Variants in CCDC14 observed in about 807,000 individuals in gnomAD.
CCDC14 encodes coiled-coil domain-containing protein 14.
Under a neutral mutation model 81.4 loss-of-function variants are expected in CCDC14, and 71 were observed. That is an observed-to-expected ratio of 0.87 (90% CI 0.72 to 1.06). The LOEUF (loss-of-function observed/expected upper bound fraction) is 1.06. Among genes scored for constraint, CCDC14 ranks in the 50% least tolerant of loss-of-function variants. The pLI, the probability that CCDC14 is intolerant of heterozygous loss-of-function variation, is 0.00. For synonymous variants in CCDC14, 332 were observed against 364.8 expected (o/e 0.91, Z 1.03); for missense variants, 1,046 against 1,047.3 (o/e 1.00, Z 0.02).
At chr3:123,934,165 T>C (rs1418649467) in intron 9 of CCDC14, among the ~76,000 whole-genome samples, 5 of 146,586 alleles carry the variant, frequency 3.4e-5, no homozygotes, top group African/African-American at 1.3e-4. Flanking sequence ...CCCAGCTACT[T>C]GGGAGGCTGA....
At chr3:123,889,282 A>T in the CCDC14 span, among the ~76,000 whole-genome samples, 1 of 152,130 alleles carries the variant, frequency 6.6e-6, no homozygotes, top group Non-Finnish European at 1.5e-5. Flanking sequence ...GTGTGGTGGC[A>T]CGTGCCTGTA....
chr3:123,898,501 G>A (rs752988170), intron 5 of CCDC14, among the ~76,000 whole-genome samples: 5 of 152,158 alleles, frequency 3.3e-5, no homozygotes, highest in Non-Finnish European at 7.3e-5. Context: ...GAGACTGTGA[G>A]CTGTGACCCA....
chr3:123,947,357 C>T, intron 7 of CCDC14, 38 bp from the exon 8 acceptor site: 4 of 1,500,728 alleles, frequency 2.7e-6, no homozygotes, highest in South Asian at 1.3e-5. Flanking sequence ...GAAGTATGAG[C>T]ACTCATTTGT....
At chr3:123,899,207 G>A (rs990174784) in intron 5 of CCDC14, among the ~76,000 whole-genome samples, 3 of 152,080 alleles carry the variant, frequency 2.0e-5, no homozygotes, top group Non-Finnish European at 2.9e-5. Flanking sequence ...CTTATCAGAG[G>A]TTCTTAGTTC....
chr3:123,887,477 C>CAAAAA, the CCDC14 span, among the ~76,000 whole-genome samples: 8 of 50,370 alleles, frequency 1.6e-4, no homozygotes, highest in African/African-American at 2.7e-4. Flanking sequence ...ATAACAACAA[C>CAAAAA]AACAAAAAAA....
chr3:123,933,774 A>C lies in CCDC14; in HGVS notation c.1344-19T>G. 6.5e-7 allele frequency: 1 copy of C among 1,526,866 alleles called. No individual in the cohort carries two copies. Among genetic ancestry groups the C allele is most frequent in the African/African-American group, 1.4e-5 (1 of 72,990 alleles). The allele number at this position is 1,526,866 out of a possible 1,614,324, so 94.6% of individuals were successfully genotyped here. On this transcript the variant is annotated intron_variant, in intron 9 of 12. Transcript: ENST00000409697. The stretch of plus-strand genomic sequence containing the variant: ...CAACTGCCTAAAGAAATAATGAAGA[A>C]CTATGAATGCAAGCATACCAAGCCA...
At chr3:123,916,468 T>TG (rs1559764283) in intron 12 of CCDC14, among the ~76,000 whole-genome samples, 6,821 of 146,158 alleles carry the variant, frequency 0.047, 421 homozygotes, top group East Asian at 0.18. Context: ...ATATATGTGT[T>TG]TGTGTGTGTG....
In CCDC14 at chr3:123,956,663, T is replaced by G. The variant is rs1577342237; in HGVS notation, c.86+77A>C. ...TAGAGGCCTACCTAATTTTCTGGGG[T>G]AGACGACATGTCATCCAGCCCAAAG... On this transcript the variant is annotated intron_variant, in intron 2 of 12. Transcript: ENST00000409697. 1.4e-5 allele frequency: 16 copies of G among 1,180,504 alleles called. No homozygotes were observed. In the East Asian group the frequency reaches 4.1e-4, roughly 30 times the overall value. The allele number at this position is 1,180,504 out of a possible 1,614,324, so 73.1% of individuals were successfully genotyped here.
In CCDC14 at chr3:123,915,709, C is replaced by G; in HGVS notation, c.1788G>C (p.Gln596His). 6.2e-7 allele frequency: 1 copy of G among 1,602,374 alleles called. No individual in the cohort carries two copies. Among genetic ancestry groups the G allele is most frequent in the South Asian group, 1.1e-5 (1 of 88,382 alleles). ...CGGAGAGAAGCTTTGCCATGCTAGT[C>G]TGTAAAGTTCTGTTAAGAAGAATCC... is the stretch of plus-strand genomic sequence containing the variant. ...TRLRELTRTLQTSMAKLLSDL... is the reference protein window; with the variant it reads ...TRLRELTRTLHTSMAKLLSDL... The change falls in exon 13 of 13, where the codon CAG (glutamine) becomes CAC (histidine). Residue 596 changes from glutamine (Q) to histidine (H), a missense_variant. Transcript: ENST00000409697.
At chr3:123,948,273 G>A (rs2036779130) in intron 7 of CCDC14, among the ~76,000 whole-genome samples, 1 of 139,164 alleles carries the variant, frequency 7.2e-6, no homozygotes, top group African/African-American at 2.7e-5. Flanking sequence ...GTCTCACTCT[G>A]TAGCCCAGGC....
chr3:123,895,123 A>T (rs1363903327), downstream of CCDC14, among the ~76,000 whole-genome samples: 2 of 152,188 alleles, frequency 1.3e-5, no homozygotes, highest in Non-Finnish European at 2.9e-5. Flanking sequence ...AAGTGACATT[A>T]GTTGTAGAAA....
chr3:123,890,170 A>T, the CCDC14 span, among the ~76,000 whole-genome samples: 7 of 152,090 alleles, frequency 4.6e-5, no homozygotes, highest in African/African-American at 1.4e-4. Context: ...CCATGACTCA[A>T]TCATCTCCCA....
At chr3:123,931,991 C>CT (rs2035747418) in intron 10 of CCDC14, among the ~76,000 whole-genome samples, 1 of 152,210 alleles carries the variant, frequency 6.6e-6, no homozygotes, top group South Asian at 2.1e-4. Flanking sequence ...CTAACTTTGC[C>CT]TTTTTTTCCC....
At chr3:123,909,084 T>A (rs2034384883), downstream of CCDC14, among the ~76,000 whole-genome samples, 1 of 152,124 alleles carries the variant, frequency 6.6e-6, no homozygotes, top group Non-Finnish European at 1.5e-5. Context: ...AGGTCTGTTC[T>A]GCTTGTTTTG....
chr3:123,927,540 C>T (rs1478304128), intron 12 of CCDC14, among the ~76,000 whole-genome samples: 1 of 152,152 alleles, frequency 6.6e-6, no homozygotes, highest in Admixed American at 6.5e-5. Context: ...CTAAGCCTTC[C>T]CATCATGTTT....
intron 1 of CCDC14, chr3:123,957,964 T>C (rs2148967436): frequency 6.6e-6 from 1 of 152,222 alleles, no homozygotes. Flanking sequence ...CTTTCTAAAG[T>C]TATACGGCAT....
chr3:123,910,567 C>G (rs1340077476), downstream of CCDC14, among the ~76,000 whole-genome samples: 1 of 151,612 alleles, frequency 6.6e-6, no homozygotes, highest in Non-Finnish European at 1.5e-5. Flanking sequence ...GCATTAGTGT[C>G]ATGGTTAAAA....
chr3:123,951,341 T>C (rs997123685), intron 5 of CCDC14, among the ~76,000 whole-genome samples: 1 of 152,166 alleles, frequency 6.6e-6, no homozygotes, highest in African/African-American at 2.4e-5. Context: ...ATGTCAGTAA[T>C]AAACCTCTGA....
Position 123,913,950 on chromosome 3 carries a change from G to C in CCDC14, c.*829C>G. 1.0e-6 allele frequency: 1 copy of C among 985,344 alleles called. No homozygotes were observed. Among genetic ancestry groups the C allele is most frequent in the Non-Finnish European group, 1.2e-6 (1 of 829,550 alleles). The allele number at this position is 985,344 out of a possible 1,614,324, so 61.0% of individuals were successfully genotyped here. On this transcript the variant is annotated 3_prime_UTR_variant, in exon 13 of 13. Transcript: ENST00000409697. Reference sequence around the variant, plus strand: ...ATTTATAAAATAGAGAATATTCTCAGCTAACATGCTGGGAGAAAAAATTCT... The same window carrying C: ...ATTTATAAAATAGAGAATATTCTCACCTAACATGCTGGGAGAAAAAATTCT...
Sources: allele counts gnomAD v4.1 joint callset (sites outside exome capture counted in the v4.1 genomes callset), GRCh38; gene constraint gnomAD v4.1.1; transcripts MANE v1.5; gene names NCBI Gene and HGNC (gene_info 2026-07-23, HGNC 2026-07-21).